EML1: variants seen among roughly 807,000 people sequenced by gnomAD.
The protein encoded by EML1 is EMAP like 1.
A neutral mutation model predicts 110.4 loss-of-function variants in EML1; 27 were observed. The ratio of observed to expected loss-of-function variants is 0.24; its 90% CI spans 0.18 to 0.34. The LOEUF (loss-of-function observed/expected upper bound fraction) is 0.34, where lower values mean the gene tolerates loss of function less well. Ranked by LOEUF, EML1 falls within the 10% of genes least tolerant of loss-of-function variation. The pLI, the probability that EML1 is intolerant of heterozygous loss-of-function variation, is 1.00. For missense variants in EML1, 741 were observed against 1,030.9 expected (o/e 0.72, Z 3.85); for synonymous variants, 344 against 385.8 (o/e 0.89, Z 1.27).
chr14:99,778,758 G>C (rs2057509468), intron 1 of EML1, among the ~76,000 whole-genome samples: 2 of 152,114 alleles, frequency 1.3e-5, no homozygotes, highest in South Asian at 4.2e-4. Context: ...TTTAATTACA[G>C]GTTAAAATAA....
At chr14:99,787,885 G>C (rs2057618148) in intron 1 of EML1, among the ~76,000 whole-genome samples, 1 of 152,108 alleles carries the variant, frequency 6.6e-6, no homozygotes, top group African/African-American at 2.4e-5. Context: ...ATTTTAACTT[G>C]ATTACATCTG....
At chr14:99,845,104 G>A (rs1003299963) in intron 1 of EML1, among the ~76,000 whole-genome samples, 5 of 152,158 alleles carry the variant, frequency 3.3e-5, no homozygotes, top group East Asian at 1.9e-4. Context: ...CAGGGTGGTC[G>A]TGTCATTTTG....
intron 2 of EML1, among the ~76,000 whole-genome samples, chr14:99,858,260 C>T (rs924060276): frequency 6.6e-6 from 1 of 151,750 alleles, no homozygotes; most frequent in Non-Finnish European, 1.5e-5. Flanking sequence ...TCTCAGCTCA[C>T]CACAACCTCT....
intron 1 of EML1, among the ~76,000 whole-genome samples, chr14:99,762,396 C>T (rs919431858): frequency 6.6e-6 from 1 of 152,194 alleles, no homozygotes; most frequent in African/African-American, 2.4e-5. Flanking sequence ...CCCTCGCACC[C>T]TCCTCCAGCC....
rs1055265117 is a variant in EML1 at position 99,827,913 on chromosome 14, C to T, written c.68-22940C>T. On this transcript the variant is annotated intron_variant, in intron 1 of 21. Transcript: ENST00000262233. This position sits in a 1 kb window ranked among gnomAD's most constrained non-coding sequence, Gnocchi z 4.4. ...GCAGGGTGTCTGGGTGCAGTAGATG[C>T]GATGGTTGGTGTATAATATGAACAC... is the stretch of plus-strand genomic sequence containing the variant. Among the ~76,000 whole-genome samples the T allele has an allele frequency of 2.6e-5, 4 of 152,152 alleles. No homozygotes were observed. Among genetic ancestry groups the T allele is most frequent in the Middle Eastern group, 3.4e-3 (1 of 294 alleles).
intron 5 of EML1, among the ~76,000 whole-genome samples, chr14:99,893,083 C>T (rs12100946): frequency 0.046 from 7,060 of 152,186 alleles, 581 homozygotes; most frequent in African/African-American, 0.16. Context: ...AGCGGTGGCA[C>T]AGACAGGACA....
At chr14:99,908,645 G>A (rs1395016337) in intron 10 of EML1, among the ~76,000 whole-genome samples, 1 of 152,208 alleles carries the variant, frequency 6.6e-6, no homozygotes, top group Non-Finnish European at 1.5e-5. Flanking sequence ...GCAGTGATCA[G>A]AGCCCAATCC....
intron 1 of EML1, among the ~76,000 whole-genome samples, chr14:99,808,275 G>A (rs1406986835): frequency 6.6e-6 from 1 of 152,184 alleles, no homozygotes; most frequent in Non-Finnish European, 1.5e-5. Context: ...GTGCCTCGCA[G>A]GGAGTTTGTC....
At position 99,747,662 on chromosome 14, in the gene EML1, C is replaced by T. The variant is rs560261443; in HGVS notation, c.28+9802C>T. 1.4e-3 allele frequency among the ~76,000 whole-genome samples: 211 copies of T among 152,300 alleles called. 1 individual carries two copies. The highest frequency in any genetic ancestry group is 4.9e-3 in the African/African-American group (204 of 41,564). On this transcript the variant is annotated intron_variant, in intron 1 of 10. Transcript: ENST00000554479. ...GGCTGCGCCTTAGGAATTCATGGGG[C>T]GAGCAGGGTGAGCTTCAGGGTCAGG... is the stretch of plus-strand genomic sequence containing the variant.
At chr14:99,933,391 G>A (rs909438331) in intron 17 of EML1, among the ~76,000 whole-genome samples, 3 of 152,160 alleles carry the variant, frequency 2.0e-5, no homozygotes, top group Admixed American at 1.3e-4. Flanking sequence ...GGCCAGGCTG[G>A]TCTCAAACTC....
At chr14:99,780,398 C>A (rs983466900) in intron 1 of EML1, among the ~76,000 whole-genome samples, 15 of 152,252 alleles carry the variant, frequency 9.9e-5, no homozygotes, top group South Asian at 6.2e-4. Context: ...TGGCTGCCCA[C>A]CCTTGCTAGC....
intron 1 of EML1, among the ~76,000 whole-genome samples, chr14:99,797,268 G>T (rs995166492): frequency 2.0e-5 from 3 of 152,230 alleles, no homozygotes; most frequent in Non-Finnish European, 2.9e-5. Context: ...GTTGTAGCCT[G>T]TGTCATCATG....
chr14:99,813,983 G>A (rs1267844751), intron 1 of EML1, among the ~76,000 whole-genome samples: 1 of 152,122 alleles, frequency 6.6e-6, no homozygotes, highest in Non-Finnish European at 1.5e-5. Flanking sequence ...ACGAAGGCCA[G>A]CAGCATCAGA....
At chr14:99,793,383 G>T, upstream of EML1, 7 of 996,328 alleles carry the variant, frequency 7.0e-6, no homozygotes, top group Non-Finnish European at 7.2e-6. Flanking sequence ...CGGCCCCAGC[G>T]CCAGCGCCGG....
intron 1 of EML1, among the ~76,000 whole-genome samples, chr14:99,763,767 G>C (rs973796379): frequency 6.6e-6 from 1 of 152,182 alleles, no homozygotes; most frequent in Non-Finnish European, 1.5e-5. Flanking sequence ...GCACAGTTGT[G>C]TAATAAACAC....
intron 1 of EML1, among the ~76,000 whole-genome samples, chr14:99,824,359 G>A (rs148844765): frequency 9.3e-5 from 14 of 151,278 alleles, no homozygotes; most frequent in Admixed American, 2.6e-4. Context: ...GATGCATCAC[G>A]TTTTTATTAG....
intron 4 of EML1, among the ~76,000 whole-genome samples, chr14:99,882,671 A>G (rs12893932): frequency 0.29 from 37,258 of 127,660 alleles, 5,344 homozygotes; most frequent in Non-Finnish European, 0.36. Flanking sequence ...AAAAAAAAAA[A>G]AAAAGAAAAT....
chr14:99,820,943 G>T (rs759593565), intron 1 of EML1, among the ~76,000 whole-genome samples: 17 of 151,618 alleles, frequency 1.1e-4, no homozygotes, highest in Non-Finnish European at 2.1e-4. Flanking sequence ...GAAAGTGCCC[G>T]CCCCCAATTG....
chr14:99,793,178 C>G (rs1215373709), upstream of EML1, among the ~76,000 whole-genome samples: 5 of 147,402 alleles, frequency 3.4e-5, no homozygotes, highest in South Asian at 1.0e-3. Context: ...GGGCCGCGCT[C>G]CCCGCGGGGA....
Sources: gnomAD v4.1 joint callset for allele counts (sites outside exome capture counted in the v4.1 genomes callset) on GRCh38, gnomAD v4.1.1 for gene constraint, Gnocchi (gnomAD v3.1) non-coding constraint, MANE v1.5 for transcripts, NCBI Gene and HGNC (gene_info 2026-07-23, HGNC 2026-07-21) for gene names.